UNC5D: variants seen among roughly 807,000 people sequenced by gnomAD.
UNC5D encodes the protein netrin receptor UNC5D.
UNC5D carries 39 observed loss-of-function variants against 105.4 expected under a neutral mutation model. The observed-to-expected ratio is 0.37, with a 90% CI of 0.29 to 0.48. The LOEUF (loss-of-function observed/expected upper bound fraction) is 0.48. Ranked by LOEUF, UNC5D falls within the 20% of genes least tolerant of loss-of-function variation. The pLI, the probability that UNC5D is intolerant of heterozygous loss-of-function variation, is 0.98. For missense variants in UNC5D, 991 were observed against 1,202.4 expected, an observed-to-expected ratio of 0.82 and a Z score of 2.60; for synonymous variants, 452 against 450.4, an observed-to-expected ratio of 1.00 and a Z score of -0.04.
At chr8:35,283,941 G>C (rs988145621) in intron 1 of UNC5D, among the ~76,000 whole-genome samples, 6 of 152,098 alleles carry the variant, frequency 3.9e-5, no homozygotes, top group Non-Finnish European at 7.3e-5. Flanking sequence ...TTTATATCTA[G>C]ATTCATTCAA....
chr8:35,687,198 C>T (rs2131355503), intron 7 of UNC5D, among the ~76,000 whole-genome samples: 1 of 152,282 alleles, frequency 6.6e-6, no homozygotes, highest in Admixed American at 6.5e-5. Flanking sequence ...AATCCCAGCA[C>T]TTTGGGAGGC....
At chr8:35,447,887 G>A (rs753487837) in intron 1 of UNC5D, among the ~76,000 whole-genome samples, 1 of 151,984 alleles carries the variant, frequency 6.6e-6, no homozygotes, top group Non-Finnish European at 1.5e-5. Flanking sequence ...CCAGTAACAG[G>A]AGAACTTCTG....
At chr8:35,513,021 C>T (rs1338028533) in intron 1 of UNC5D, among the ~76,000 whole-genome samples, 1 of 150,970 alleles carries the variant, frequency 6.6e-6, no homozygotes. Context: ...TCTGTAGCTT[C>T]CTACCTGCCC....
At chr8:35,565,934 G>T (rs1203106729) in intron 2 of UNC5D, among the ~76,000 whole-genome samples, 1 of 152,072 alleles carries the variant, frequency 6.6e-6, no homozygotes, top group Non-Finnish European at 1.5e-5. Context: ...TGCCAACTCT[G>T]CCTTCTCCTG....
intron 3 of UNC5D, among the ~76,000 whole-genome samples, chr8:35,575,687 G>A (rs1233291239): frequency 6.6e-6 from 1 of 152,072 alleles, no homozygotes; most frequent in Non-Finnish European, 1.5e-5. Context: ...TCATACAAAA[G>A]CTTGAAACTC....
chr8:35,621,527 T>C (rs1821359690), intron 4 of UNC5D, among the ~76,000 whole-genome samples: 2 of 152,118 alleles, frequency 1.3e-5, no homozygotes, highest in Non-Finnish European at 2.9e-5. Flanking sequence ...GGTGGATCCA[T>C]ATAAGAAGAG....
chr8:35,436,890 A>G (rs1323134038), intron 1 of UNC5D, among the ~76,000 whole-genome samples: 1 of 152,084 alleles, frequency 6.6e-6, no homozygotes, highest in Non-Finnish European at 1.5e-5. Flanking sequence ...TTGCTATATG[A>G]TTCTATATTT....
chr8:35,554,341 A>G (rs1397015360), intron 2 of UNC5D, among the ~76,000 whole-genome samples: 1 of 152,266 alleles, frequency 6.6e-6, no homozygotes, highest in Non-Finnish European at 1.5e-5. Flanking sequence ...GTGTTTGCAC[A>G]GACAAGGCTA....
At chr8:35,484,373 T>C (rs1810693009) in intron 1 of UNC5D, among the ~76,000 whole-genome samples, 1 of 152,196 alleles carries the variant, frequency 6.6e-6, no homozygotes, top group African/African-American at 2.4e-5. Context: ...TCTCATTTTC[T>C]CTTTTGCTCA....
intron 1 of UNC5D, among the ~76,000 whole-genome samples, chr8:35,379,545 G>C (rs1450722853): frequency 1.3e-5 from 2 of 152,072 alleles, no homozygotes; most frequent in Non-Finnish European, 2.9e-5. Context: ...TAGAACAACT[G>C]CAGGCTCATT....
In UNC5D at chr8:35,681,223, A is replaced by G. The variant is rs992833871; in HGVS notation, c.571-2324A>G. On this transcript the variant is annotated intron_variant, in intron 4 of 16. Transcript: ENST00000404895. ...TCTTAGTCCATTTCTTGTTGCTCAT[A>G]ACAAAATACCCAAGACTGGGTAATT... 2.5e-4 allele frequency among the ~76,000 whole-genome samples: 38 copies of G among 152,190 alleles called. 1 individual carries two copies. The highest frequency in any genetic ancestry group is 2.9e-5 in the Non-Finnish European group (2 of 68,034).
chr8:35,460,918 G>C (rs1808841232), intron 1 of UNC5D, among the ~76,000 whole-genome samples: 1 of 152,182 alleles, frequency 6.6e-6, no homozygotes, highest in Non-Finnish European at 1.5e-5. Flanking sequence ...CCTCCATCCA[G>C]TGGTCTATTT....
At position 35,264,729 on chromosome 8, in the gene UNC5D, CAAAAAAAAAAAAAA is replaced by C. The variant is rs6150548; in HGVS notation, c.103+28853_103+28866del. Among the ~76,000 whole-genome samples the C allele has an allele frequency of 6.1e-4, 87 of 142,530 alleles. 2 individuals carry two copies. Among genetic ancestry groups the C allele is most frequent in the East Asian group, 2.2e-3 (11 of 5,002 alleles). The allele number at this position is 142,530 out of a possible 152,430, so 93.5% of individuals were successfully genotyped here. A position where few individuals can be genotyped will look rare whatever the true frequency, so the allele number is the denominator to read the frequency against. ...TGGGTGATGGAGCAAGACTCTGTCTCAAAAAAAAAAAAAAAAAAAAAAAAGAGTAAAAGGTGTTA... is the reference window on the plus strand; with the variant it reads ...TGGGTGATGGAGCAAGACTCTGTCTCAAAAAAAAAAGAGTAAAAGGTGTTA... On this transcript the variant is annotated intron_variant, in intron 1 of 16. Coordinates refer to ENST00000404895, the MANE Select transcript of UNC5D (RefSeq NM_080872.4).
chr8:35,488,127 A>G (rs911525734), intron 1 of UNC5D, among the ~76,000 whole-genome samples: 3 of 152,202 alleles, frequency 2.0e-5, no homozygotes, highest in Non-Finnish European at 2.9e-5. Flanking sequence ...AATTGAGAAA[A>G]TGTGTACTGG....
chr8:35,581,454 A>G (rs1031558034), intron 3 of UNC5D, among the ~76,000 whole-genome samples: 8 of 152,094 alleles, frequency 5.3e-5, no homozygotes, highest in South Asian at 4.1e-4. Flanking sequence ...CACTCCATCA[A>G]TACTGCTGCA....
intron 1 of UNC5D, among the ~76,000 whole-genome samples, chr8:35,543,181 T>G (rs1815392693): frequency 6.6e-6 from 1 of 152,102 alleles, no homozygotes; most frequent in Non-Finnish European, 1.5e-5. Context: ...GTTTACACTT[T>G]GAAACAAATA....
At chr8:35,385,795 G>A (rs1408793225) in intron 1 of UNC5D, among the ~76,000 whole-genome samples, 3 of 152,196 alleles carry the variant, frequency 2.0e-5, no homozygotes, top group South Asian at 4.2e-4. Context: ...ACAACAGTAG[G>A]CACTTTCTTC....
intron 4 of UNC5D, among the ~76,000 whole-genome samples, chr8:35,644,525 T>C (rs1265843515): frequency 6.6e-6 from 1 of 152,242 alleles, no homozygotes; most frequent in East Asian, 1.9e-4. Context: ...TCTCATCACC[T>C]TTAGTTCCTG....
At chr8:35,352,431 A>C (rs1018455707) in intron 1 of UNC5D, among the ~76,000 whole-genome samples, 2 of 152,094 alleles carry the variant, frequency 1.3e-5, no homozygotes, top group Non-Finnish European at 2.9e-5. Context: ...AGTAAAGAAA[A>C]AGCTACCAAC....
Sources: gnomAD v4.1 joint callset for allele counts (sites outside exome capture counted in the v4.1 genomes callset) on GRCh38, gnomAD v4.1.1 for gene constraint, MANE v1.5 for transcripts, NCBI Gene and HGNC (gene_info 2026-07-23, HGNC 2026-07-21) for gene names.